Variants in ASTN1 observed in about 807,000 individuals in gnomAD.
The protein encoded by ASTN1 is astrotactin 1.
ASTN1 carries 41 observed loss-of-function variants against 140.7 expected under a neutral mutation model. That is an observed-to-expected ratio of 0.29 (90% CI 0.23 to 0.38). ASTN1 has a LOEUF of 0.38. Among genes scored for constraint, ASTN1 ranks in the 10% least tolerant of loss-of-function variants. The pLI, the probability that ASTN1 is intolerant of heterozygous loss-of-function variation, is 1.00. For synonymous variants in ASTN1, 640 were observed against 652.2 expected (o/e 0.98, Z 0.29); for missense variants, 1,479 against 1,678.8 (o/e 0.88, Z 2.08).
intron 8 of ASTN1, among the ~76,000 whole-genome samples, chr1:176,966,631 G>C (rs1429062940): frequency 1.3e-5 from 2 of 152,018 alleles, no homozygotes; most frequent in Non-Finnish European, 2.9e-5. Context: ...TAATCACTTT[G>C]AATCACCAAT....
At chr1:177,071,437 G>C (rs749505534) in intron 1 of ASTN1, among the ~76,000 whole-genome samples, 3 of 152,206 alleles carry the variant, frequency 2.0e-5, no homozygotes, top group Non-Finnish European at 4.4e-5. Flanking sequence ...GTAGTAAACT[G>C]AGTCCTTCTC....
chr1:177,122,758 G>A (rs1681465048), intron 1 of ASTN1, among the ~76,000 whole-genome samples: 1 of 152,162 alleles, frequency 6.6e-6, no homozygotes, highest in Non-Finnish European at 1.5e-5. Flanking sequence ...TGCAAGAGAG[G>A]TGACAGGAAT....
chr1:177,160,695 T>A (rs376604742), intron 1 of ASTN1, among the ~76,000 whole-genome samples: 1 of 152,240 alleles, frequency 6.6e-6, no homozygotes, highest in Non-Finnish European at 1.5e-5. Flanking sequence ...AGCTGAAATA[T>A]GAAATTTTAG....
At chr1:176,961,933 G>A (rs1672682963) in intron 9 of ASTN1, among the ~76,000 whole-genome samples, 1 of 152,158 alleles carries the variant, frequency 6.6e-6, no homozygotes, top group African/African-American at 2.4e-5. Flanking sequence ...ACAGCCCTGT[G>A]TTCAACTAGA....
At chr1:177,149,172 A>AAT (rs1229362148) in intron 1 of ASTN1, among the ~76,000 whole-genome samples, 1 of 94,098 alleles carries the variant, frequency 1.1e-5, no homozygotes, top group East Asian at 3.4e-4. Flanking sequence ...ATATATAGTA[A>AAT]ATATATAGTG....
At chr1:176,931,614 C>A (rs1557968969) in intron 16 of ASTN1, among the ~76,000 whole-genome samples, 1 of 152,222 alleles carries the variant, frequency 6.6e-6, no homozygotes, top group Non-Finnish European at 1.5e-5. Flanking sequence ...AGGCTGCCTT[C>A]TGAAGATCTG....
intron 16 of ASTN1, among the ~76,000 whole-genome samples, chr1:176,931,796 G>C (rs1262543282): frequency 6.6e-6 from 1 of 152,238 alleles, no homozygotes; most frequent in Non-Finnish European, 1.5e-5. Flanking sequence ...AACACCTTGA[G>C]TGCTTACCAT....
intron 9 of ASTN1, among the ~76,000 whole-genome samples, chr1:176,961,962 G>T (rs1672684209): frequency 6.6e-6 from 1 of 152,192 alleles, no homozygotes; most frequent in Non-Finnish European, 1.5e-5. Flanking sequence ...TTCCTGTCCA[G>T]AGGCAAACAC....
At chr1:176,946,195 G>T in intron 12 of ASTN1, 75 bp from the exon 13 acceptor site, 3 of 1,315,822 alleles carry the variant, frequency 2.3e-6, no homozygotes, top group South Asian at 1.9e-5. Context: ...CCCGTATATT[G>T]GGAGGAAATG....
intron 1 of ASTN1, among the ~76,000 whole-genome samples, chr1:177,107,128 C>T (rs78288769): frequency 6.6e-6 from 1 of 152,014 alleles, no homozygotes; most frequent in Non-Finnish European, 1.5e-5. Flanking sequence ...GCTGCATGGG[C>T]GTCACATGGG....
chr1:177,101,998 T>A (rs746822018), intron 1 of ASTN1, among the ~76,000 whole-genome samples: 4 of 152,224 alleles, frequency 2.6e-5, no homozygotes, highest in Non-Finnish European at 4.4e-5. Context: ...TCTATTAGGA[T>A]AATGAGTGAG....
intron 11 of ASTN1, among the ~76,000 whole-genome samples, chr1:176,956,797 C>T (rs1203609800): frequency 6.6e-6 from 1 of 152,238 alleles, no homozygotes; most frequent in Non-Finnish European, 1.5e-5. Flanking sequence ...GCTTCATCTG[C>T]TCCTGCCTCC....
Position 176,999,948 on chromosome 1 carries a change from A to G in ASTN1, c.1523+14843T>C, listed in dbSNP as rs1571628183. Among the ~76,000 whole-genome samples the G allele has an allele frequency of 2.6e-5, 4 of 152,266 alleles. No homozygotes were observed. The South Asian group carries it at 8.3e-4, about 32-fold the overall frequency. On this transcript the variant is annotated intron_variant, in intron 8 of 22. Coordinates refer to ENST00000361833, the MANE Select transcript of ASTN1 (RefSeq NM_004319.3). ...AATTAAACCTCTTTTTGTATAAATT[A>G]CCCATGCTCAGGTATTTCTTTACAG...
rs188707935 is a variant in ASTN1, at chr1:177,136,545, G to A, written c.283+27849C>T. On this transcript the variant is annotated intron_variant, in intron 1 of 22. Coordinates refer to ENST00000361833, the MANE Select transcript of ASTN1 (RefSeq NM_004319.3). The stretch of plus-strand genomic sequence containing the variant: ...ATTTTTGCATTTTTAGTAGAGACAG[G>A]GTTTCACCATGTTGGCCATGCTGGT... Among the ~76,000 whole-genome samples the A allele has an allele frequency of 5.7e-3, 871 of 151,986 alleles. 8 individuals are homozygous for A. The highest frequency in any genetic ancestry group is 0.02 in the African/African-American group (837 of 41,476).
intron 21 of ASTN1, 35 bp from the exon 22 acceptor site, chr1:176,869,062 C>A (rs374523925): frequency 7.1e-7 from 1 of 1,413,324 alleles, no homozygotes; most frequent in African/African-American, 1.4e-5. Context: ...AAGTTATTTA[C>A]ATATATATAA....
At chr1:176,929,644 C>T (rs1013563967) in intron 16 of ASTN1, among the ~76,000 whole-genome samples, 7 of 152,166 alleles carry the variant, frequency 4.6e-5, no homozygotes, top group East Asian at 1.9e-4. Context: ...GTCAGCTGTT[C>T]GTGCTGAGAA....
At chr1:177,150,955 C>A (rs1173836041) in intron 1 of ASTN1, among the ~76,000 whole-genome samples, 1 of 152,074 alleles carries the variant, frequency 6.6e-6, no homozygotes, top group African/African-American at 2.4e-5. Context: ...TATTTAATAT[C>A]TTGCCCTATA....
intron 14 of ASTN1, among the ~76,000 whole-genome samples, chr1:176,942,828 ATATATATG>A (rs1398662172): frequency 0.028 from 624 of 22,192 alleles, 69 homozygotes; most frequent in African/African-American, 0.082. Context: ...GTGTATATAT[ATATATATG>A]TATATATATA....
In ASTN1 at chr1:177,127,069, T is replaced by C. The variant is rs554266901; in HGVS notation, c.283+37325A>G. 4.6e-5 allele frequency among the ~76,000 whole-genome samples: 7 copies of C among 152,196 alleles called. No individual in the cohort carries two copies. In the South Asian group the frequency reaches 8.3e-4, roughly 18 times the overall value. On this transcript the variant is annotated intron_variant, in intron 1 of 22. Transcript: ENST00000361833. ...TAAAAGGCTTTTAGAGGGTGAGCAA[T>C]CATTGGAACAGTCAGACAAATCTTA...
Sources: allele counts gnomAD v4.1 joint callset (sites outside exome capture counted in the v4.1 genomes callset), GRCh38; gene constraint gnomAD v4.1.1; transcripts MANE v1.5; gene names NCBI Gene and HGNC (gene_info 2026-07-23, HGNC 2026-07-21).